The following LDLRAD4 variants were observed in gnomAD, a reference collection of about 807,000 sequenced individuals.
LDLRAD4 encodes low density lipoprotein receptor class A domain containing 4.
Under a neutral mutation model 17.0 loss-of-function variants are expected in LDLRAD4, and 5 were observed. That is an observed-to-expected ratio of 0.29 (90% CI 0.15 to 0.62). The LOEUF (loss-of-function observed/expected upper bound fraction) is 0.62. Among genes scored for constraint, LDLRAD4 ranks in the 20% least tolerant of loss-of-function variants. The probability of loss-of-function intolerance (pLI) is 0.84; values close to 1 mark genes in which losing one functional copy is unlikely to be tolerated. For missense variants in LDLRAD4, 340 were observed against 424.7 expected (o/e 0.80, Z 1.75); for synonymous variants, 168 against 171.8 (o/e 0.98, Z 0.17).
At chr18:13,218,572 G>A (rs992054493), upstream of LDLRAD4, among the ~76,000 whole-genome samples, 1 of 152,152 alleles carries the variant, frequency 6.6e-6, no homozygotes, top group Non-Finnish European at 1.5e-5. Context: ...GGACCTGACC[G>A]GGGAGTTTGC....
At chr18:13,249,321 T>A (rs2043118684) in intron 1 of LDLRAD4, among the ~76,000 whole-genome samples, 1 of 152,190 alleles carries the variant, frequency 6.6e-6, no homozygotes, top group South Asian at 2.1e-4. Context: ...CAGAGGAACT[T>A]CTATACTGTT....
chr18:13,269,653 C>T (rs1464703814), intron 1 of LDLRAD4, among the ~76,000 whole-genome samples: 4 of 151,918 alleles, frequency 2.6e-5, no homozygotes, highest in Admixed American at 6.6e-5. Context: ...GGGGCCCTAG[C>T]GAGCTGTCCG....
intron 3 of LDLRAD4, chr18:13,491,467 T>C (rs868366818): frequency 2.6e-5 from 4 of 152,204 alleles, no homozygotes; most frequent in African/African-American, 9.7e-5. Flanking sequence ...TACTTGAAAC[T>C]GAGTGAGAAT....
chr18:13,606,614 T>C (rs1419365432), intron 3 of LDLRAD4, among the ~76,000 whole-genome samples: 1 of 152,238 alleles, frequency 6.6e-6, no homozygotes, highest in Non-Finnish European at 1.5e-5. Flanking sequence ...GCTAGAAGAT[T>C]ATTCCATGTT....
intron 3 of LDLRAD4, among the ~76,000 whole-genome samples, chr18:13,509,441 A>C (rs2093744214): frequency 6.6e-6 from 1 of 152,238 alleles, no homozygotes; most frequent in Non-Finnish European, 1.5e-5. Flanking sequence ...CAAGAGAACT[A>C]AAATTAGAAG....
Position 13,621,408 on chromosome 18 carries a change from T to C in LDLRAD4, c.336+137T>C, listed in dbSNP as rs1418623670. On this transcript the variant is annotated intron_variant, in intron 4 of 5. Coordinates refer to ENST00000359446, the Ensembl canonical transcript of LDLRAD4. The surrounding 1 kb of genome is among the most constrained non-coding windows in gnomAD (Gnocchi z 5.5). ...GAAGCGCACCTCGTAAGTGTTCCACTTAGTGAGTCCCCACAAACTGAACAC... is the reference window on the plus strand; with the variant it reads ...GAAGCGCACCTCGTAAGTGTTCCACCTAGTGAGTCCCCACAAACTGAACAC... 1 of 660,252 alleles carries C rather than the reference T, an allele frequency of 1.5e-6. No homozygotes were observed. Among genetic ancestry groups the C allele is most frequent in the Non-Finnish European group, 2.7e-6 (1 of 375,688 alleles). The allele number at this position is 660,252 out of a possible 1,614,324, so 40.9% of individuals were successfully genotyped here.
chr18:13,266,435 C>T (rs938634420), intron 1 of LDLRAD4, among the ~76,000 whole-genome samples: 5 of 152,226 alleles, frequency 3.3e-5, no homozygotes, highest in Non-Finnish European at 7.3e-5. Flanking sequence ...ACACAGCCCG[C>T]TGAGGAAGGC....
At chr18:13,249,178 C>T (rs560538502) in intron 1 of LDLRAD4, among the ~76,000 whole-genome samples, 1 of 152,290 alleles carries the variant, frequency 6.6e-6, no homozygotes, top group South Asian at 2.1e-4. Flanking sequence ...GATTCTGTAT[C>T]TTGGTTATTG....
chr18:13,330,697 G>A (rs184534309), intron 1 of LDLRAD4, among the ~76,000 whole-genome samples: 11 of 152,120 alleles, frequency 7.2e-5, no homozygotes, highest in Non-Finnish European at 1.5e-4. Context: ...GATGTCTTTT[G>A]TATTTTAATG....
chr18:13,482,186 T>C (rs1175511861), intron 3 of LDLRAD4, among the ~76,000 whole-genome samples: 2 of 152,086 alleles, frequency 1.3e-5, no homozygotes, highest in Admixed American at 6.5e-5. Context: ...GGGCAGTGCC[T>C]GGGGGCATAT....
intron 3 of LDLRAD4, among the ~76,000 whole-genome samples, chr18:13,573,105 A>T (rs2094715915): frequency 6.6e-6 from 1 of 151,576 alleles, no homozygotes. Context: ...TTTTATTTTT[A>T]TTTTATTTTA....
chr18:13,471,420 G>A (rs2092770888), intron 3 of LDLRAD4: 1 of 152,308 alleles, frequency 6.6e-6, no homozygotes, highest in South Asian at 2.1e-4. Context: ...AAGGGATGTA[G>A]CATTGTTTTT....
At chr18:13,569,519 G>A (rs1478393159) in intron 3 of LDLRAD4, among the ~76,000 whole-genome samples, 1 of 152,160 alleles carries the variant, frequency 6.6e-6, no homozygotes, top group African/African-American at 2.4e-5. Context: ...AAAATCTGTA[G>A]CACTAATGAT....
chr18:13,233,791 A>G (rs1407973574), intron 1 of LDLRAD4, among the ~76,000 whole-genome samples: 1 of 151,938 alleles, frequency 6.6e-6, no homozygotes, highest in African/African-American at 2.4e-5. Context: ...TCCAAACCCT[A>G]GGCTCCTACA....
intron 1 of LDLRAD4, among the ~76,000 whole-genome samples, chr18:13,285,130 G>A (rs2045546263): frequency 6.6e-6 from 1 of 152,224 alleles, no homozygotes; most frequent in South Asian, 2.1e-4. Flanking sequence ...CTCAAGTGCA[G>A]TACAGAAGCG....
At chr18:13,537,251 A>G (rs899630277) in intron 3 of LDLRAD4, among the ~76,000 whole-genome samples, 1 of 152,162 alleles carries the variant, frequency 6.6e-6, no homozygotes, top group Non-Finnish European at 1.5e-5. Flanking sequence ...GGGTAGGTGT[A>G]CTTACATAAA....
chr18:13,608,248 G>C (rs535813020), intron 3 of LDLRAD4, among the ~76,000 whole-genome samples: 12 of 151,968 alleles, frequency 7.9e-5, no homozygotes, highest in Non-Finnish European at 1.6e-4. Flanking sequence ...TTAGAACGGC[G>C]ATCACTATTT....
chr18:13,416,133 C>T (rs865966627), intron 2 of LDLRAD4, among the ~76,000 whole-genome samples: 1 of 152,204 alleles, frequency 6.6e-6, no homozygotes, highest in Non-Finnish European at 1.5e-5. Flanking sequence ...CTCTGCCACA[C>T]GTGGGCTATT....
At chr18:13,387,350 C>T (rs781427987) in exon 2 of LDLRAD4, 8 of 197,600 alleles carry the variant, frequency 4.0e-5, no homozygotes, top group Admixed American at 6.2e-5. Context: ...GTTTCAGAGG[C>T]GGAGCACAGA....
Sources: allele counts gnomAD v4.1 joint callset (sites outside exome capture counted in the v4.1 genomes callset), GRCh38; gene constraint gnomAD v4.1.1; non-coding constraint Gnocchi (gnomAD v3.1); transcripts MANE v1.5; gene names NCBI Gene and HGNC (gene_info 2026-07-23, HGNC 2026-07-21).